The following JAK2 variants were observed in gnomAD, a reference collection of about 807,000 sequenced individuals.
JAK2 encodes tyrosine-protein kinase JAK2.
A neutral mutation model predicts 139.3 loss-of-function variants in JAK2; 86 were observed. The observed-to-expected ratio is 0.62, with a 90% CI of 0.52 to 0.74. The LOEUF is 0.74. Ranked by LOEUF, JAK2 falls within the 30% of genes least tolerant of loss-of-function variation. The probability of loss-of-function intolerance (pLI) is 0.00; values close to 1 mark genes in which losing one functional copy is unlikely to be tolerated. For synonymous variants in JAK2, 490 were observed against 437.7 expected, an observed-to-expected ratio of 1.12 and a Z score of -1.49; for missense variants, 1,421 against 1,360.3, an observed-to-expected ratio of 1.04 and a Z score of -0.70.
intron 22 of JAK2, chr9:5,108,394 T>C (rs1822151909): frequency 6.6e-6 from 1 of 152,152 alleles, no homozygotes; most frequent in African/African-American, 2.4e-5. Flanking sequence ...GTAGGGTCCC[T>C]TCCTCTACTT....
rs1199290355 is a variant in JAK2 at position 5,110,994 on chromosome 9, G to A, written c.3060-12010G>A. The A allele has an allele frequency of 6.0e-6, 4 of 670,356 alleles. No individual in the cohort carries two copies. The East Asian group carries it at 1.1e-4, about 18-fold the overall frequency. The allele number at this position is 670,356 out of a possible 1,614,324, so 41.5% of individuals were successfully genotyped here. ...TGGACTTCAGCATGATGTTCCCGCT[G>A]CCCGTTGCCAACGGGAAGGGCCGGC... On this transcript the variant is annotated intron_variant, in intron 22 of 24. Transcript: ENST00000381652.
At chr9:5,024,680 G>C (rs895802469) in intron 3 of JAK2, among the ~76,000 whole-genome samples, 1 of 151,998 alleles carries the variant, frequency 6.6e-6, no homozygotes, top group Admixed American at 6.6e-5. Flanking sequence ...CTCAACTTTA[G>C]ACCTCTGCCC....
intron 22 of JAK2, among the ~76,000 whole-genome samples, chr9:5,105,651 G>C (rs2094621): frequency 0.38 from 58,128 of 151,888 alleles, 14,820 homozygotes; most frequent in African/African-American, 0.73. Context: ...ATCACACTAC[G>C]TAACTTCAAA....
chr9:5,091,525 T>G (rs1401425496), intron 22 of JAK2: 2 of 152,182 alleles, frequency 1.3e-5, no homozygotes, highest in East Asian at 1.9e-4. Context: ...CTGCCTTGTA[T>G]AATTATGGGT....
chr9:5,083,337 T>C (rs944531222), intron 19 of JAK2, among the ~76,000 whole-genome samples: 5 of 152,162 alleles, frequency 3.3e-5, no homozygotes, highest in African/African-American at 1.2e-4. Context: ...GCTCAGTTCT[T>C]AGTAGGTCCA....
At chr9:5,099,813 GC>G (rs1821324722) in intron 22 of JAK2, 1 of 152,042 alleles carries the variant, frequency 6.6e-6, no homozygotes, top group Non-Finnish European at 1.5e-5. Flanking sequence ...ACCTCCTTGG[GC>G]TTCTACCCCA....
intron 22 of JAK2, among the ~76,000 whole-genome samples, chr9:5,093,844 A>T (rs1027465326): frequency 6.6e-6 from 1 of 152,186 alleles, no homozygotes; most frequent in Non-Finnish European, 1.5e-5. Context: ...TTATTCAATG[A>T]TTAAAGTCCT....
At chr9:5,111,619 C>G in intron 22 of JAK2, 1 of 374,136 alleles carries the variant, frequency 2.7e-6, no homozygotes, top group Non-Finnish European at 5.2e-6. Context: ...TGGGCTTTGG[C>G]CCCATGCTGG....
intron 22 of JAK2, chr9:5,113,793 C>T (rs1171525948): frequency 2.4e-5 from 4 of 167,064 alleles, no homozygotes; most frequent in Non-Finnish European, 5.2e-5. Context: ...GCCAAACGCT[C>T]ACCTGCAGCG....
intron 22 of JAK2, chr9:5,098,263 C>G (rs146212033): frequency 3.5e-4 from 54 of 152,258 alleles, no homozygotes; most frequent in African/African-American, 1.3e-3. Context: ...ACCTCTGTGA[C>G]TTTCTCGATA....
intron 4 of JAK2, chr9:5,041,058 G>T: frequency 1.5e-6 from 1 of 688,618 alleles, no homozygotes; most frequent in East Asian, 2.9e-5. Context: ...CGCCATAGAG[G>T]GCGTCCCTCA....
intron 22 of JAK2, among the ~76,000 whole-genome samples, chr9:5,116,535 T>C (rs1172507231): frequency 6.6e-6 from 1 of 152,180 alleles, no homozygotes; most frequent in African/African-American, 2.4e-5. Flanking sequence ...TTTATTGTTT[T>C]CAGAATGAAA....
At chr9:4,988,785 G>A (rs773458941) in intron 2 of JAK2, among the ~76,000 whole-genome samples, 6 of 151,912 alleles carry the variant, frequency 3.9e-5, no homozygotes, top group African/African-American at 7.3e-5. Context: ...CTTAAACTCC[G>A]AATGCCCCAA....
At chr9:5,059,073 G>T (rs1222806085) in intron 8 of JAK2, among the ~76,000 whole-genome samples, 1 of 151,870 alleles carries the variant, frequency 6.6e-6, no homozygotes, top group Admixed American at 6.6e-5. Flanking sequence ...TTTTTACTTT[G>T]TTGAGATATA....
intron 8 of JAK2, 115 bp from the exon 9 acceptor site, chr9:5,064,768 G>T (rs760120007): frequency 2.5e-5 from 17 of 691,158 alleles, no homozygotes; most frequent in Non-Finnish European, 3.7e-5. Flanking sequence ...AGCCATAAAA[G>T]ATATGAGCAA....
chr9:5,068,897 T>C, intron 10 of JAK2, 125 bp from the exon 11 acceptor site: 1 of 578,880 alleles, frequency 1.7e-6, no homozygotes, highest in Non-Finnish European at 3.0e-6. Context: ...ATACTGGCAC[T>C]ACATCGGATT....
At chr9:5,088,031 C>CTTA (rs1347542301) in intron 19 of JAK2, among the ~76,000 whole-genome samples, 1 of 152,146 alleles carries the variant, frequency 6.6e-6, no homozygotes, top group African/African-American at 2.4e-5. Flanking sequence ...GAAGATAAAA[C>CTTA]TTATTTCCTA....
At chr9:5,017,830 A>G (rs1299697027) in intron 2 of JAK2, among the ~76,000 whole-genome samples, 4 of 152,204 alleles carry the variant, frequency 2.6e-5, no homozygotes, top group Non-Finnish European at 5.9e-5. Context: ...ATACATTAGA[A>G]GTTCTAGAAT....
chr9:5,066,651 T>C (rs764811823), intron 9 of JAK2, 27 bp from the exon 10 acceptor site: 1 of 1,250,824 alleles, frequency 8.0e-7, no homozygotes, highest in Non-Finnish European at 1.2e-6. Context: ...TGATATATTA[T>C]TCAAATTGCT....
Sources: allele counts gnomAD v4.1 joint callset (sites outside exome capture counted in the v4.1 genomes callset), GRCh38; gene constraint gnomAD v4.1.1; transcripts MANE v1.5; gene names NCBI Gene and HGNC (gene_info 2026-07-23, HGNC 2026-07-21).